The following RAB7B variants were observed in gnomAD, a reference collection of about 807,000 sequenced individuals.
The protein encoded by RAB7B is RAB7B, member RAS oncogene family, also known as ras-related protein Rab-7b.
chr1:205,985,436 A>C (rs1457822004), intron 5 of RAB7B, 104 bp downstream of exon 5: 2 of 397,184 alleles, frequency 5.0e-6, no homozygotes, highest in African/African-American at 4.1e-5. Context: ...ATCCTGTCCC[A>C]CCCACATCCC....
intron 4 of RAB7B, among the ~76,000 whole-genome samples, chr1:205,987,743 A>AT (rs1378187323): frequency 9.7e-4 from 147 of 151,918 alleles, no homozygotes; most frequent in African/African-American, 2.9e-3. Flanking sequence ...CTAATAAACT[A>AT]TTTTTTTTCA....
chr1:205,988,213 T>C (rs1660647585), intron 4 of RAB7B, among the ~76,000 whole-genome samples: 2 of 149,636 alleles, frequency 1.3e-5, no homozygotes, highest in African/African-American at 4.9e-5. Context: ...ATATATGATG[T>C]ATGTATGTGT....
At chr1:205,979,075 C>A (rs1660439917) in intron 5 of RAB7B, 147 bp from the exon 6 acceptor site, 1 of 392,022 alleles carries the variant, frequency 2.6e-6, no homozygotes. Context: ...AGGGAAGCCA[C>A]TGGTGTTCCC....
chr1:205,996,444 C>A (rs1403978397), intron 1 of RAB7B, among the ~76,000 whole-genome samples: 1 of 152,134 alleles, frequency 6.6e-6, no homozygotes, highest in African/African-American at 2.4e-5. Context: ...ACTTTGTGAC[C>A]TTGGGCCAGT....
At chr1:205,985,876 C>T (rs954209955) in intron 4 of RAB7B, among the ~76,000 whole-genome samples, 95,025 of 140,490 alleles carry the variant, frequency 0.68, 32,150 homozygotes, top group East Asian at 0.87. Context: ...TCCCAAGTGT[C>T]TCTAACTTTA....
intron 1 of RAB7B, among the ~76,000 whole-genome samples, chr1:205,998,185 C>T (rs1378577135): frequency 5.3e-5 from 8 of 152,214 alleles, no homozygotes; most frequent in African/African-American, 1.9e-4. Flanking sequence ...GAAACCCCAT[C>T]TCTATTAAAA....
At position 205,992,708 on chromosome 1, in the gene RAB7B, G is replaced by A. The variant is rs1051841224; in HGVS notation, c.181-13C>T. ...CCGTGTCCCAGATCTGGAGGGGAAA[G>A]CAGTTGCCCCATGGGGCTGTGATGA... On this transcript the variant is annotated splice_polypyrimidine_tract_variant and intron_variant, in intron 3 of 5. Transcript: ENST00000617070. The A allele has an allele frequency of 0.22, 87,061 of 398,694 alleles. 10,410 individuals carry two copies. Among genetic ancestry groups the A allele is most frequent in the Middle Eastern group, 0.27 (425 of 1,596 alleles). 24.7% of individuals were successfully genotyped at this position (398,694 alleles called of 1,614,324 possible). A position where few individuals can be genotyped will look rare whatever the true frequency, so the allele number is the denominator to read the frequency against.
chr1:205,993,313 T>C, intron 3 of RAB7B, 107 bp downstream of exon 3: 1 of 395,342 alleles, frequency 2.5e-6, no homozygotes, highest in Non-Finnish European at 4.5e-6. Context: ...TCATCTCTGC[T>C]CTAGACCATT....
At chr1:205,981,290 C>T (rs36158155) in intron 5 of RAB7B, among the ~76,000 whole-genome samples, 15,727 of 152,228 alleles carry the variant, frequency 0.1, 1,077 homozygotes, top group East Asian at 0.35. Context: ...GGGCATCCTT[C>T]GTCATATTTT....
At chr1:205,987,078 A>G (rs924314043) in intron 4 of RAB7B, among the ~76,000 whole-genome samples, 2 of 151,936 alleles carry the variant, frequency 1.3e-5, no homozygotes. Context: ...TTGCATACAG[A>G]CTCTGAAATA....
chr1:206,002,552 T>G (rs914896459), intron 1 of RAB7B, among the ~76,000 whole-genome samples: 14 of 152,038 alleles, frequency 9.2e-5, no homozygotes, highest in Non-Finnish European at 1.3e-4. Context: ...GACAAGTTAC[T>G]ATCTCCGTGG....
chr1:205,994,328 A>G (rs971221865), intron 1 of RAB7B, 177 bp from the exon 2 acceptor site: 2 of 368,006 alleles, frequency 5.4e-6, no homozygotes, highest in Non-Finnish European at 9.7e-6. Context: ...CTTCTCCCTC[A>G]CTTTCCCTGG....
At chr1:205,996,141 A>G (rs946375754) in intron 1 of RAB7B, among the ~76,000 whole-genome samples, 4 of 97,876 alleles carry the variant, frequency 4.1e-5, no homozygotes, top group Non-Finnish European at 7.8e-5. Context: ...ATGTAAATGT[A>G]TAGTGTGTGT....
chr1:205,987,338 A>G (rs1425144813), intron 4 of RAB7B, among the ~76,000 whole-genome samples: 5 of 152,240 alleles, frequency 3.3e-5, no homozygotes, highest in Non-Finnish European at 7.3e-5. Flanking sequence ...CATGGGAAGT[A>G]TGATAATTCT....
At chr1:205,987,984 A>G (rs1390209622) in intron 4 of RAB7B, among the ~76,000 whole-genome samples, 1 of 152,020 alleles carries the variant, frequency 6.6e-6, no homozygotes, top group Non-Finnish European at 1.5e-5. Flanking sequence ...ACCTCAAGTG[A>G]TTCTCCCACC....
intron 1 of RAB7B, among the ~76,000 whole-genome samples, chr1:205,996,963 C>T (rs1205693828): frequency 6.6e-6 from 1 of 152,198 alleles, no homozygotes; most frequent in Non-Finnish European, 1.5e-5. Context: ...TCTTCCCCAA[C>T]ACATGGGAAT....
rs886455421 is a variant in RAB7B at position 206,000,065 on chromosome 1, C to G, written c.-17+3188G>C. ...TTGGCATTACAGGTGTGAGCCACCA[C>G]GCCTGGCCAAGGGCAGTTTTAAAAA... On this transcript the variant is annotated intron_variant, in intron 1 of 5. Coordinates refer to ENST00000617070, the MANE Select transcript of RAB7B (RefSeq NM_001164522.3). Among the ~76,000 whole-genome samples the G allele has an allele frequency of 2.0e-5, 3 of 152,188 alleles. No individual in the cohort carries two copies. The South Asian group carries it at 6.2e-4, about 32-fold the overall frequency.
At chr1:205,985,766 C>T (rs1660586858) in intron 4 of RAB7B, 101 bp from the exon 5 acceptor site, 1 of 281,276 alleles carries the variant, frequency 3.6e-6, no homozygotes, top group Admixed American at 5.8e-5. Context: ...CCCACCATCC[C>T]CACCATCCCC....
intron 1 of RAB7B, among the ~76,000 whole-genome samples, chr1:205,995,001 T>C (rs1268781752): frequency 6.6e-6 from 1 of 152,122 alleles, no homozygotes; most frequent in African/African-American, 2.4e-5. Flanking sequence ...CAGCAAACTA[T>C]TGCAAGGAAC....
Sources: allele counts gnomAD v4.1 joint callset (sites outside exome capture counted in the v4.1 genomes callset), GRCh38; gene constraint gnomAD v4.1.1; transcripts MANE v1.5; gene names NCBI Gene and HGNC (gene_info 2026-07-23, HGNC 2026-07-21).